PTCD3: variants seen among roughly 807,000 people sequenced by gnomAD.
The protein encoded by PTCD3 is small ribosomal subunit protein mS39.
In PTCD3, 89 loss-of-function variants were observed where a neutral mutation model predicts 101.9. The observed-to-expected ratio is 0.87, with a 90% CI of 0.74 to 1.04. The LOEUF (loss-of-function observed/expected upper bound fraction) is 1.04, where lower values mean the gene tolerates loss of function less well. Among genes scored for constraint, PTCD3 ranks in the 50% least tolerant of loss-of-function variants. The pLI, the probability that PTCD3 is intolerant of heterozygous loss-of-function variation, is 0.00. For synonymous variants in PTCD3, 296 were observed against 278.5 expected, an observed-to-expected ratio of 1.06 and a Z score of -0.63; for missense variants, 870 against 828.2, an observed-to-expected ratio of 1.05 and a Z score of -0.62.
chr2:86,128,198 C>A (rs1406180959), intron 14 of PTCD3, among the ~76,000 whole-genome samples: 1 of 151,844 alleles, frequency 6.6e-6, no homozygotes, highest in East Asian at 1.9e-4. Flanking sequence ...TGGGCTCAAA[C>A]AGTCCTCCCT....
intron 4 of PTCD3, chr2:86,111,680 C>T (rs900822058): frequency 2.5e-4 from 40 of 161,574 alleles, no homozygotes; most frequent in Admixed American, 8.2e-4. Context: ...GACCACTTGA[C>T]ATCAGGAGTT....
intron 12 of PTCD3, among the ~76,000 whole-genome samples, chr2:86,126,729 C>T (rs752083810): frequency 6.2e-4 from 94 of 151,288 alleles, no homozygotes; most frequent in Non-Finnish European, 1.2e-3. Context: ...CGCAGCTACT[C>T]AGGAGGCTGA....
chr2:86,130,299 C>CA lies in PTCD3; in HGVS notation c.1148-336dup, dbSNP rs773381891. On this transcript the variant is annotated intron_variant, in intron 14 of 23. Transcript: ENST00000254630. ...AGGGCAATAATGCAAGACTCCATCT[C>CA]AAAAAAAAAAAAATTTTGTTTTTCT... Among the ~76,000 whole-genome samples, 843 of 143,670 alleles carry CA rather than the reference C, an allele frequency of 5.9e-3. 4 individuals are homozygous for CA. Among genetic ancestry groups the CA allele is most frequent in the Middle Eastern group, 0.021 (6 of 282 alleles). 94.3% of individuals were successfully genotyped at this position (143,670 alleles called of 152,430 possible).
chr2:86,122,813 T>C (rs981308626), intron 8 of PTCD3, among the ~76,000 whole-genome samples: 8 of 152,236 alleles, frequency 5.3e-5, no homozygotes, highest in African/African-American at 1.9e-4. Flanking sequence ...CCTGAAGCCC[T>C]GCTCTGGTTG....
intron 12 of PTCD3, among the ~76,000 whole-genome samples, chr2:86,126,928 G>A (rs1674406842): frequency 1.3e-5 from 2 of 151,998 alleles, no homozygotes; most frequent in South Asian, 4.1e-4. Flanking sequence ...GTAGAAGACT[G>A]AAGACAGTTG....
intron 4 of PTCD3, among the ~76,000 whole-genome samples, chr2:86,114,572 C>CT (rs1674147933): frequency 6.6e-6 from 1 of 152,210 alleles, no homozygotes; most frequent in African/African-American, 2.4e-5. Context: ...AAGCTTTCCA[C>CT]TTGAGAGTGT....
intron 1 of PTCD3, among the ~76,000 whole-genome samples, chr2:86,106,738 G>C (rs1355466298): frequency 6.6e-6 from 1 of 152,120 alleles, no homozygotes; most frequent in African/African-American, 2.4e-5. Context: ...CCAAATAAAA[G>C]GCAGTCTCTG....
chr2:86,109,127 C>T (rs1029666642), intron 3 of PTCD3, among the ~76,000 whole-genome samples: 1 of 152,200 alleles, frequency 6.6e-6, no homozygotes, highest in African/African-American at 2.4e-5. Context: ...TCGGGTTCGC[C>T]AGGCGCGGTG....
intron 21 of PTCD3, 108 bp from the exon 22 acceptor site, chr2:86,136,413 A>C: frequency 9.4e-7 from 1 of 1,065,912 alleles, no homozygotes; most frequent in Non-Finnish European, 1.4e-6. Context: ...CTTACAGTAT[A>C]GTTAAGAAAA....
chr2:86,116,717 CTA>C lies in PTCD3; in HGVS notation c.309+121_309+122del, dbSNP rs899917758. The C allele has an allele frequency of 2.2e-4, 164 of 742,114 alleles. 2 individuals carry two copies. Among genetic ancestry groups the C allele is most frequent in the Admixed American group, 3.8e-4 (16 of 41,754 alleles). 46.0% of individuals were successfully genotyped at this position (742,114 alleles called of 1,614,324 possible). A position where few individuals can be genotyped will look rare whatever the true frequency, so the allele number is the denominator to read the frequency against. ...TTACAAATGCTGAGAAATTGATAGA[CTA>C]TGTGAATCCTTTACTACTTTCTTCA... On this transcript the variant is annotated intron_variant, in intron 5 of 23. Coordinates refer to ENST00000254630, the MANE Select transcript of PTCD3 (RefSeq NM_017952.6).
At chr2:86,120,426 T>C (rs1363411949) in intron 7 of PTCD3, among the ~76,000 whole-genome samples, 1 of 151,718 alleles carries the variant, frequency 6.6e-6, no homozygotes, top group Non-Finnish European at 1.5e-5. Flanking sequence ...ATTGGTGTGT[T>C]TTATAATAAT....
intron 12 of PTCD3, among the ~76,000 whole-genome samples, chr2:86,126,278 C>T (rs74262955): frequency 0.01 from 1,521 of 150,974 alleles, 47 homozygotes; most frequent in Admixed American, 0.063. Flanking sequence ...CTGGAGACAG[C>T]ATTTATGAGC....
intron 17 of PTCD3, 121 bp downstream of exon 17, chr2:86,132,545 C>A: frequency 5.1e-6 from 3 of 590,990 alleles, no homozygotes; most frequent in Non-Finnish European, 5.9e-6. Flanking sequence ...TCTAATAGGA[C>A]ATGTTAATTG....
chr2:86,140,919 A>AAAAAAAAAAC lies in PTCD3; in HGVS notation c.*3363_*3364insAAAAAACAAA. ...AAACCCATCTCAAAAAAAAAAAAAA[A>AAAAAAAAAAC]AAACCAAAAAAACTGTCCAGCTGTG... On this transcript the variant is annotated 3_prime_UTR_variant, in exon 24 of 24. Transcript: ENST00000254630. 1 of 141,048 alleles carries AAAAAAAAAAC rather than the reference A, an allele frequency of 7.1e-6. No homozygotes were observed. Among genetic ancestry groups the AAAAAAAAAAC allele is most frequent in the Non-Finnish European group, 1.5e-5 (1 of 65,498 alleles). The allele number at this position is 141,048 out of a possible 1,614,324, so 8.7% of individuals were successfully genotyped here. A position where few individuals can be genotyped will look rare whatever the true frequency, so the allele number is the denominator to read the frequency against.
At position 86,106,367 on chromosome 2, in the gene PTCD3, G is replaced by A. The variant is rs1429102650; in HGVS notation, c.104+16G>A. The A allele has an allele frequency of 1.9e-6, 3 of 1,610,936 alleles. No individual in the cohort carries two copies. The highest frequency in any genetic ancestry group is 8.5e-7 in the Non-Finnish European group (1 of 1,178,170). On this transcript the variant is annotated intron_variant, in intron 1 of 23. Transcript: ENST00000254630. ...GCAGCTGCAGGTAAGAGACGCTTAGGGTATCCGCGAAGAAGACCGCGGAGT... is the reference window on the plus strand; with the variant it reads ...GCAGCTGCAGGTAAGAGACGCTTAGAGTATCCGCGAAGAAGACCGCGGAGT...
chr2:86,131,394 T>C (rs1380906697), intron 16 of PTCD3, among the ~76,000 whole-genome samples: 3 of 152,040 alleles, frequency 2.0e-5, no homozygotes, highest in African/African-American at 7.2e-5. Context: ...CCACCACACC[T>C]GGCTAATTTT....
intron 4 of PTCD3, 122 bp downstream of exon 4, chr2:86,111,280 T>C: frequency 1.0e-6 from 1 of 971,858 alleles, no homozygotes; most frequent in Non-Finnish European, 1.6e-6. Flanking sequence ...CTGTTGTGCG[T>C]CTAGAAAGTT....
At position 86,132,404 on chromosome 2, in the gene PTCD3, T is replaced by A. The variant is rs1178834650; in HGVS notation, c.1353T>A (p.Asp451Glu). The stretch of plus-strand genomic sequence containing the variant: ...ACAACTGGAAATTCATTGGACCTGA[T>A]CAACATCGTAATTTCTATTAGTAAG... Reference protein sequence around the residue: ...TGDNWKFIGPDQHRNFYYSKF... With the variant: ...TGDNWKFIGPEQHRNFYYSKF... Residue 451 changes from aspartate (D) to glutamate (E), a missense_variant, in exon 17 of 24, where the codon GAT becomes GAA. By Grantham distance (45) the Asp-to-Glu change is conservative. Transcript: ENST00000254630. 3.8e-6 allele frequency: 6 copies of A among 1,595,372 alleles called. No individual in the cohort carries two copies. In the South Asian group the frequency reaches 5.5e-5, roughly 15 times the overall value.
In PTCD3 at chr2:86,129,210, C is replaced by T. The variant is rs150768807; in HGVS notation, c.1147+1219C>T. Reference sequence around the variant, plus strand: ...TGTGATGGAGCTAGTATTTCTGACTCCAAAGTATATTCCTTTCCTCTGTAA... The same window carrying T: ...TGTGATGGAGCTAGTATTTCTGACTTCAAAGTATATTCCTTTCCTCTGTAA... On this transcript the variant is annotated intron_variant, in intron 14 of 23. Coordinates refer to ENST00000254630, the MANE Select transcript of PTCD3 (RefSeq NM_017952.6). Among the ~76,000 whole-genome samples, 368 of 152,286 alleles carry T rather than the reference C, an allele frequency of 2.4e-3. 3 individuals carry two copies. The highest frequency in any genetic ancestry group is 8.4e-3 in the African/African-American group (351 of 41,554).
Sources: allele counts gnomAD v4.1 joint callset (sites outside exome capture counted in the v4.1 genomes callset), GRCh38; gene constraint gnomAD v4.1.1; transcripts MANE v1.5; gene names NCBI Gene and HGNC (gene_info 2026-07-23, HGNC 2026-07-21).